Variants in NREP observed in about 807,000 individuals in gnomAD.
The protein encoded by NREP is neuronal regeneration-related protein.
A neutral mutation model predicts 8.6 loss-of-function variants in NREP; 5 were observed. That is an observed-to-expected ratio of 0.58 (90% CI 0.30 to 1.22). The LOEUF (loss-of-function observed/expected upper bound fraction) is 1.22. Ranked by LOEUF, NREP falls within the 50% of genes most tolerant of loss-of-function variation. The probability of loss-of-function intolerance (pLI) is 0.07; values close to 1 mark genes in which losing one functional copy is unlikely to be tolerated. For synonymous variants in NREP, 27 were observed against 28.0 expected, an observed-to-expected ratio of 0.96 and a Z score of 0.11; for missense variants, 86 against 82.5, an observed-to-expected ratio of 1.04 and a Z score of -0.17.
chr5:111,975,325 G>T, exon 2 of NREP: 1 of 1,551,586 alleles, frequency 6.4e-7, no homozygotes, highest in Non-Finnish European at 8.7e-7. Flanking sequence ...TGGAACAAGG[G>T]ACTCTGTCTG....
In NREP at chr5:111,883,236, A is replaced by G. The variant is rs184997784; in HGVS notation, c.135+92038T>C. Among the ~76,000 whole-genome samples, 9 of 152,350 alleles carry G rather than the reference A, an allele frequency of 5.9e-5. 2 individuals carry two copies. The Middle Eastern group carries it at 0.01, about 173-fold the overall frequency. On this transcript the variant is annotated intron_variant, in intron 2 of 3. Coordinates refer to the NREP transcript ENST00000395634. ...AGATCAAAAGAGACAAAGCCATTACATAATGGTAAAGGGATCAATTCAATG... is the reference window on the plus strand; with the variant it reads ...AGATCAAAAGAGACAAAGCCATTACGTAATGGTAAAGGGATCAATTCAATG...
At chr5:111,932,650 G>A (rs1188941865) in intron 2 of NREP, among the ~76,000 whole-genome samples, 8 of 151,968 alleles carry the variant, frequency 5.3e-5, no homozygotes, top group Admixed American at 5.2e-4. Flanking sequence ...GCAGGAAAAT[G>A]TTTCATCTGA....
chr5:111,889,339 C>G (rs1266874538), intron 2 of NREP, among the ~76,000 whole-genome samples: 1 of 152,108 alleles, frequency 6.6e-6, no homozygotes, highest in Non-Finnish European at 1.5e-5. Context: ...CTCACTATAC[C>G]AAAGACATTA....
chr5:111,813,393 A>T (rs919977976), intron 2 of NREP, among the ~76,000 whole-genome samples: 2 of 152,192 alleles, frequency 1.3e-5, no homozygotes, highest in Non-Finnish European at 2.9e-5. Context: ...AGGATAAATC[A>T]TTTACCAAAT....
At chr5:111,850,602 G>A (rs1441025421) in intron 2 of NREP, among the ~76,000 whole-genome samples, 1 of 151,562 alleles carries the variant, frequency 6.6e-6, no homozygotes, top group Non-Finnish European at 1.5e-5. Flanking sequence ...TTCATCTCTT[G>A]TGTCTTGTTG....
At chr5:111,855,601 T>C (rs1753408783) in intron 2 of NREP, among the ~76,000 whole-genome samples, 1 of 152,210 alleles carries the variant, frequency 6.6e-6, no homozygotes, top group Non-Finnish European at 1.5e-5. Context: ...CACCAGAGCC[T>C]GTTTGTACAA....
chr5:111,861,022 A>G (rs1194948274), intron 2 of NREP, among the ~76,000 whole-genome samples: 1 of 152,176 alleles, frequency 6.6e-6, no homozygotes, highest in African/African-American at 2.4e-5. Context: ...GTAAAAACAA[A>G]GAAAAACCAA....
intron 2 of NREP, among the ~76,000 whole-genome samples, chr5:111,931,986 T>C (rs1755550337): frequency 6.6e-6 from 1 of 152,030 alleles, no homozygotes; most frequent in African/African-American, 2.4e-5. Flanking sequence ...ATCCTTAGAA[T>C]AGTGTTTCCC....
chr5:111,755,621 G>T, intron 2 of NREP, 149 bp downstream of exon 2: 1 of 833,186 alleles, frequency 1.2e-6, no homozygotes, highest in Non-Finnish European at 2.1e-6. Flanking sequence ...GTACTGCAAC[G>T]CTCCCAGGAA....
chr5:111,788,863 G>A (rs1434381509), intron 2 of NREP, among the ~76,000 whole-genome samples: 1 of 152,152 alleles, frequency 6.6e-6, no homozygotes, highest in Non-Finnish European at 1.5e-5. Context: ...AATGTGGGTG[G>A]GCCTCATCCC....
chr5:111,946,891 A>C (rs1369662315), intron 2 of NREP, among the ~76,000 whole-genome samples: 1 of 152,026 alleles, frequency 6.6e-6, no homozygotes, highest in African/African-American at 2.4e-5. Flanking sequence ...GTAGTCAACC[A>C]ATTAGGAAAC....
intron 2 of NREP, among the ~76,000 whole-genome samples, chr5:111,829,972 A>G (rs1015077712): frequency 6.6e-6 from 1 of 152,118 alleles, no homozygotes; most frequent in South Asian, 2.1e-4. Context: ...GAATGAAAAA[A>G]TTTCCCAAAA....
At chr5:111,742,194 G>C (rs913552254) in intron 2 of NREP, among the ~76,000 whole-genome samples, 2 of 152,114 alleles carry the variant, frequency 1.3e-5, no homozygotes, top group African/African-American at 4.8e-5. Context: ...TGATGTTACT[G>C]TCCAACATTA....
At position 111,828,490 on chromosome 5, in the gene NREP, A is replaced by C. The variant is rs373711908; in HGVS notation, c.136-92983T>G. ...ACCTATATGTCTCTTTGGAAAAACC[A>C]CAAACAAATATTAATTCCCTAAAAC... On this transcript the variant is annotated intron_variant, in intron 2 of 3. Transcript: ENST00000395634. Among the ~76,000 whole-genome samples, 259 of 152,202 alleles carry C rather than the reference A, an allele frequency of 1.7e-3. 1 individual carries two copies. Among genetic ancestry groups the C allele is most frequent in the African/African-American group, 5.8e-3 (240 of 41,494 alleles).
intron 2 of NREP, among the ~76,000 whole-genome samples, chr5:111,737,313 AC>A (rs1032708716): frequency 1.3e-5 from 2 of 152,206 alleles, no homozygotes; most frequent in Non-Finnish European, 2.9e-5. Context: ...ACTTTAGGGG[AC>A]CCCAAGTTTG....
intron 2 of NREP, among the ~76,000 whole-genome samples, chr5:111,766,668 C>A (rs1751092551): frequency 6.6e-6 from 1 of 152,314 alleles, no homozygotes; most frequent in Non-Finnish European, 1.5e-5. Flanking sequence ...TGTCTCTTCC[C>A]TCTTTCTCCT....
At chr5:111,908,626 A>G (rs1754832834) in intron 2 of NREP, among the ~76,000 whole-genome samples, 3 of 151,806 alleles carry the variant, frequency 2.0e-5, no homozygotes, top group African/African-American at 7.3e-5. Context: ...TCATGGCTGC[A>G]TAGTATTTCA....
intron 3 of NREP, chr5:111,732,024 T>C (rs1180022862): frequency 6.6e-6 from 1 of 152,216 alleles, no homozygotes; most frequent in Admixed American, 6.5e-5. Flanking sequence ...AGCTGAACTC[T>C]GGAGTTTTAA....
intron 2 of NREP, chr5:111,738,585 A>C (rs1217514684): frequency 6.6e-6 from 1 of 151,794 alleles, no homozygotes; most frequent in Non-Finnish European, 1.5e-5. Flanking sequence ...AAATAGCTGC[A>C]AAGTGCTGGA....
Sources: gnomAD v4.1 joint callset for allele counts (sites outside exome capture counted in the v4.1 genomes callset) on GRCh38, gnomAD v4.1.1 for gene constraint, MANE v1.5 for transcripts, NCBI Gene and HGNC (gene_info 2026-07-23, HGNC 2026-07-21) for gene names.